Variants in KIAA1217 observed in about 807,000 individuals in gnomAD.
KIAA1217 encodes the protein KIAA1217.
A neutral mutation model predicts 163.9 loss-of-function variants in KIAA1217; 88 were observed. The ratio of observed to expected loss-of-function variants is 0.54; its 90% CI spans 0.45 to 0.64. The LOEUF (loss-of-function observed/expected upper bound fraction) is 0.64. Among genes scored for constraint, KIAA1217 ranks in the 30% least tolerant of loss-of-function variants. The pLI is 0.00. For missense variants in KIAA1217, 2,372 were observed against 2,475.0 expected (o/e 0.96, Z 0.88); for synonymous variants, 903 against 923.1 (o/e 0.98, Z 0.39).
intron 5 of KIAA1217, among the ~76,000 whole-genome samples, chr10:24,440,568 A>G (rs1431736404): frequency 6.6e-6 from 1 of 152,166 alleles, no homozygotes; most frequent in South Asian, 2.1e-4. Flanking sequence ...AGTATCGAAT[A>G]TTGACCGTAT....
intron 1 of KIAA1217, among the ~76,000 whole-genome samples, chr10:23,844,347 A>G (rs1838923890): frequency 6.6e-6 from 1 of 152,158 alleles, no homozygotes; most frequent in Non-Finnish European, 1.5e-5. Context: ...AGAAGTGAGT[A>G]GAATAAAAGA....
intron 5 of KIAA1217, among the ~76,000 whole-genome samples, chr10:24,451,955 C>A (rs1460250534): frequency 1.3e-5 from 2 of 152,136 alleles, no homozygotes; most frequent in Non-Finnish European, 2.9e-5. Context: ...ACCACATCAG[C>A]CTAGGCGCCC....
intron 1 of KIAA1217, among the ~76,000 whole-genome samples, chr10:23,889,706 G>A (rs561905956): frequency 9.0e-5 from 10 of 111,178 alleles, no homozygotes; most frequent in Middle Eastern, 4.7e-3. Flanking sequence ...TTTCTTTTAT[G>A]GCTAGTGTTT....
intron 1 of KIAA1217, among the ~76,000 whole-genome samples, chr10:23,901,050 C>A (rs962749190): frequency 3.9e-5 from 6 of 152,008 alleles, no homozygotes; most frequent in Non-Finnish European, 8.8e-5. Context: ...CCATCTTGTT[C>A]TAATGTTTTT....
upstream of KIAA1217, chr10:24,209,053 G>A: frequency 4.6e-6 from 3 of 656,302 alleles, no homozygotes; most frequent in Non-Finnish European, 7.9e-6. Flanking sequence ...TTGCACCGGA[G>A]TGGAAAATAG....
intron 2 of KIAA1217, among the ~76,000 whole-genome samples, chr10:24,230,502 GTT>G (rs71397936): frequency 1.1e-5 from 1 of 90,608 alleles, no homozygotes; most frequent in African/African-American, 4.5e-5. Context: ...TATTTGTTTT[GTT>G]TTTTTTTTTT....
At position 24,209,166 on chromosome 10, in the gene KIAA1217, C is replaced by A. The variant is rs370926813; in HGVS notation, c.-28C>A. The A allele has an allele frequency of 2.3e-4, 378 of 1,609,192 alleles. No homozygotes were observed. The highest frequency in any genetic ancestry group is 2.6e-4 in the Non-Finnish European group (301 of 1,176,090). On this transcript the variant is annotated 5_prime_UTR_variant, in exon 1 of 21. Transcript: ENST00000376454. ...ACTGCGCTCTGAAGTTTCCAGAGAG[C>A]GAGGAGCTTTTGCGGCAGGCAGAGA...
At chr10:24,207,593 G>A (rs1333540035), upstream of KIAA1217, among the ~76,000 whole-genome samples, 2 of 152,228 alleles carry the variant, frequency 1.3e-5, no homozygotes, top group African/African-American at 2.4e-5. Context: ...GAGACCTTAA[G>A]TTATCTGCCC....
At chr10:24,299,701 G>T (rs1007538039) in intron 2 of KIAA1217, among the ~76,000 whole-genome samples, 1 of 152,120 alleles carries the variant, frequency 6.6e-6, no homozygotes, top group Non-Finnish European at 1.5e-5. Context: ...ACTCAATCTA[G>T]TTTTTTCCTT....
At chr10:24,097,636 A>C (rs182184147) in intron 2 of KIAA1217, among the ~76,000 whole-genome samples, 351 of 152,274 alleles carry the variant, frequency 2.3e-3, no homozygotes, top group African/African-American at 8.2e-3. Flanking sequence ...GAAGAAAAGA[A>C]CTGGGTTTCA....
chr10:24,340,477 T>A (rs1251397739), intron 2 of KIAA1217, among the ~76,000 whole-genome samples: 3 of 152,130 alleles, frequency 2.0e-5, no homozygotes, highest in African/African-American at 7.2e-5. Context: ...CTTGGAAGTA[T>A]GAGTCCATTA....
At chr10:24,207,282 TCACACA>T (rs71397934), upstream of KIAA1217, among the ~76,000 whole-genome samples, 1,846 of 140,224 alleles carry the variant, frequency 0.013, 43 homozygotes, top group African/African-American at 0.05. Flanking sequence ...TCTCTCTCTC[TCACACA>T]CACACACACA....
intron 1 of KIAA1217, among the ~76,000 whole-genome samples, chr10:23,868,951 T>G (rs775278132): frequency 4.6e-5 from 7 of 152,080 alleles, no homozygotes; most frequent in Non-Finnish European, 1.0e-4. Flanking sequence ...TGAATGAATA[T>G]TAAACATTGC....
intron 2 of KIAA1217, among the ~76,000 whole-genome samples, chr10:24,173,753 A>C (rs2065741560): frequency 6.6e-6 from 1 of 152,242 alleles, no homozygotes; most frequent in Non-Finnish European, 1.5e-5. Context: ...GTCCATAGGA[A>C]ATACTTAACA....
intron 2 of KIAA1217, among the ~76,000 whole-genome samples, chr10:24,315,937 G>A (rs894881290): frequency 6.8e-6 from 1 of 146,984 alleles, no homozygotes; most frequent in Non-Finnish European, 1.5e-5. Flanking sequence ...AATGGGGGGG[G>A]GGAATCCAAG....
chr10:23,872,604 T>A (rs532734902), intron 1 of KIAA1217, among the ~76,000 whole-genome samples: 122 of 152,222 alleles, frequency 8.0e-4, no homozygotes, highest in African/African-American at 2.7e-3. Context: ...TGTTTTTTTT[T>A]ATTTGCTTCT....
At chr10:23,740,035 G>A (rs945413292) in intron 1 of KIAA1217, among the ~76,000 whole-genome samples, 5 of 149,436 alleles carry the variant, frequency 3.3e-5, no homozygotes, top group African/African-American at 1.3e-4. Context: ...AAGATGGGGG[G>A]GTTCCATTTT....
chr10:24,444,243 C>T (rs1012259006), intron 5 of KIAA1217, among the ~76,000 whole-genome samples: 5 of 152,166 alleles, frequency 3.3e-5, no homozygotes, highest in African/African-American at 9.7e-5. Context: ...AACTCCTGAC[C>T]TCAGGTGATC....
At chr10:24,348,567 T>A (rs2048082157) in intron 2 of KIAA1217, among the ~76,000 whole-genome samples, 1 of 152,118 alleles carries the variant, frequency 6.6e-6, no homozygotes, top group Non-Finnish European at 1.5e-5. Context: ...TTTGATAAAA[T>A]TTACCTAAAG....
Sources: gnomAD v4.1 joint callset for allele counts (sites outside exome capture counted in the v4.1 genomes callset) on GRCh38, gnomAD v4.1.1 for gene constraint, MANE v1.5 for transcripts, NCBI Gene and HGNC (gene_info 2026-07-23, HGNC 2026-07-21) for gene names.